The following TEAD3 variants were observed in gnomAD, a reference collection of about 807,000 sequenced individuals.
TEAD3 encodes TEA domain transcription factor 3.
TEAD3 carries 15 observed loss-of-function variants against 55.6 expected under a neutral mutation model. The observed-to-expected ratio is 0.27, with a 90% CI of 0.18 to 0.42. TEAD3 has a LOEUF of 0.42. Among genes scored for constraint, TEAD3 ranks in the 10% least tolerant of loss-of-function variants. The pLI is 1.00. For synonymous variants in TEAD3, 210 were observed against 232.2 expected (o/e 0.90, Z 0.87); for missense variants, 407 against 576.8 (o/e 0.71, Z 3.01).
At chr6:35,479,264 C>A in intron 5 of TEAD3, 41 bp downstream of exon 5, 2 of 1,611,154 alleles carry the variant, frequency 1.2e-6, no homozygotes, top group Admixed American at 1.7e-5. Context: ...GGTGTTAAGA[C>A]CCTTTCCCCC....
rs74634411 is a variant in TEAD3 at position 35,492,840 on chromosome 6, G to A, written c.-50+4058C>T. 4.6e-5 allele frequency among the ~76,000 whole-genome samples: 7 copies of A among 152,216 alleles called. No homozygotes were observed. The East Asian group carries it at 1.2e-3, about 25-fold the overall frequency. On this transcript the variant is annotated intron_variant, in intron 1 of 12. Coordinates refer to ENST00000639578, the Ensembl canonical transcript of TEAD3. ...GCCCTCAAGTCCCCTGTAGAGAGAA[G>A]GGCCCAGTTTCCAGACCTCCCTTCA...
At chr6:35,480,320 C>T in intron 3 of TEAD3, 1 of 1,613,866 alleles carries the variant, frequency 6.2e-7, no homozygotes, top group Non-Finnish European at 8.5e-7. Flanking sequence ...ACCTTGATGC[C>T]AACCTGGTAC....
At chr6:35,487,105 G>A (rs1038216698) in intron 1 of TEAD3, among the ~76,000 whole-genome samples, 11 of 152,190 alleles carry the variant, frequency 7.2e-5, no homozygotes, top group African/African-American at 2.4e-4. Flanking sequence ...TAGGGAAAAG[G>A]CATTTTCATA....
In TEAD3 at chr6:35,496,057, A is replaced by G. The variant is rs1350538824; in HGVS notation, c.-50+841T>C. ...CCCCAGGGCCCAGCTGGGCTGGAAA[A>G]CAGATCCAGACCAGCGCTCCCAGCC... On this transcript the variant is annotated intron_variant, in intron 1 of 12. Transcript: ENST00000639578. This position sits in a 1 kb window ranked among gnomAD's most constrained non-coding sequence, Gnocchi z 4.8. Among the ~76,000 whole-genome samples the G allele has an allele frequency of 2.0e-5, 3 of 152,190 alleles. No homozygotes were observed. Among genetic ancestry groups the G allele is most frequent in the African/African-American group, 7.2e-5 (3 of 41,454 alleles).
intron 4 of TEAD3, chr6:35,480,041 G>A (rs1284684963): frequency 4.7e-6 from 7 of 1,492,014 alleles, no homozygotes; most frequent in Non-Finnish European, 6.3e-6. Flanking sequence ...GGCCAGGCCA[G>A]GTGGCAGGGG....
In TEAD3 at chr6:35,485,344, C is replaced by T. The variant is rs1206455089; in HGVS notation, c.203-720G>A. Among the ~76,000 whole-genome samples the T allele has an allele frequency of 6.8e-6, 1 of 147,876 alleles. No homozygotes were observed. The highest frequency in any genetic ancestry group is 1.5e-5 in the Non-Finnish European group (1 of 67,944). On this transcript the variant is annotated intron_variant, in intron 2 of 12. Coordinates refer to ENST00000639578, the Ensembl canonical transcript of TEAD3. The surrounding 1 kb of genome is among the most constrained non-coding windows in gnomAD (Gnocchi z 4.3). ...GCCTTGGGGTGCGGGGTCTGTTCTGCACCACAGACCCTCTGAGGGCCCAAA... is the reference window on the plus strand; with the variant it reads ...GCCTTGGGGTGCGGGGTCTGTTCTGTACCACAGACCCTCTGAGGGCCCAAA...
chr6:35,486,553 G>A lies in TEAD3; in HGVS notation c.110C>T (p.Pro37Leu), dbSNP rs1768385952. The change falls in exon 2 of 13, where the codon CCG becomes CTG. Residue 37 changes from proline to leucine, a missense_variant. Transcript: ENST00000639578. The surrounding 1 kb of genome is among the most constrained non-coding windows in gnomAD (Gnocchi z 7.3). ...CTCCTGGAAGCTCTGCTCGATGTCC[G>A]GGCTCCACACGCCCTCCGCATCGTT... 3 of 1,613,640 alleles carry A rather than the reference G, an allele frequency of 1.9e-6. No homozygotes were observed. Among genetic ancestry groups the A allele is most frequent in the Non-Finnish European group, 1.7e-6 (2 of 1,179,792 alleles).
intron 3 of TEAD3, among the ~76,000 whole-genome samples, chr6:35,482,357 C>T (rs1358979742): frequency 1.3e-5 from 2 of 152,206 alleles, no homozygotes; most frequent in South Asian, 2.1e-4. Context: ...AACCAGAGGA[C>T]AGATCCCCTT....
At chr6:35,473,724 G>T (rs1768082177), downstream of TEAD3, 1 of 150,542 alleles carries the variant, frequency 6.6e-6, no homozygotes, top group African/African-American at 2.5e-5. Flanking sequence ...ATCACAGCTG[G>T]ATTTTAAAAA....
At position 35,484,785 on chromosome 6, in the gene TEAD3, G is replaced by A. The variant is rs960234908; in HGVS notation, c.203-161C>T. Among the ~76,000 whole-genome samples, 1 of 152,180 alleles carries A rather than the reference G, an allele frequency of 6.6e-6. No homozygotes were observed. Among genetic ancestry groups the A allele is most frequent in the Non-Finnish European group, 1.5e-5 (1 of 68,022 alleles). On this transcript the variant is annotated intron_variant, in intron 2 of 12. Coordinates refer to ENST00000639578, the Ensembl canonical transcript of TEAD3. This position sits in a 1 kb window ranked among gnomAD's most constrained non-coding sequence, Gnocchi z 5.8. Reference sequence around the variant, plus strand: ...AAGCTGCACATGCAGGGCATGCAAAGGTGGCTGGGGAGTCACAGCTGCATC... The same window carrying A: ...AAGCTGCACATGCAGGGCATGCAAAAGTGGCTGGGGAGTCACAGCTGCATC...
chr6:35,490,559 C>T (rs554362462), intron 1 of TEAD3, among the ~76,000 whole-genome samples: 3 of 152,190 alleles, frequency 2.0e-5, no homozygotes, highest in African/African-American at 4.8e-5. Flanking sequence ...AGGACAACCA[C>T]GTGAGAATGT....
At chr6:35,487,501 G>A (rs1317484600) in intron 1 of TEAD3, among the ~76,000 whole-genome samples, 7 of 144,760 alleles carry the variant, frequency 4.8e-5, no homozygotes, top group Non-Finnish European at 1.0e-4. Context: ...GCAGTGAGCC[G>A]AGATCACGTC....
chr6:35,477,468 A>G, intron 7 of TEAD3, 96 bp from the exon 8 acceptor site: 1 of 1,213,518 alleles, frequency 8.2e-7, no homozygotes, highest in Non-Finnish European at 1.2e-6. Flanking sequence ...CAAGCCACCC[A>G]GCCTTTCTGC....
chr6:35,475,285 C>G lies in TEAD3; in HGVS notation c.1194+51G>C, dbSNP rs560858854. ...CCAAGCGATGTGTCTGGCTACCCAA[C>G]TTGGAGGCCCTGGCCTGTGGGACTC... On this transcript the variant is annotated intron_variant, in intron 12 of 12. Coordinates refer to ENST00000639578, the Ensembl canonical transcript of TEAD3. This position sits in a 1 kb window ranked among gnomAD's most constrained non-coding sequence, Gnocchi z 5.4. 162 of 1,607,466 alleles carry G rather than the reference C, an allele frequency of 1.0e-4. No homozygotes were observed. Among genetic ancestry groups the G allele is most frequent in the Non-Finnish European group, 9.6e-5 (113 of 1,175,914 alleles).
chr6:35,479,165 A>T, intron 5 of TEAD3, 140 bp downstream of exon 5: 2 of 1,104,938 alleles, frequency 1.8e-6, no homozygotes, highest in Non-Finnish European at 2.6e-6. Flanking sequence ...GGCGTGAGCC[A>T]CCACGCCCAG....
Position 35,484,698 on chromosome 6 carries a change from G to T in TEAD3, c.203-74C>A. The T allele has an allele frequency of 7.4e-7, 1 of 1,347,234 alleles. No homozygotes were observed. Among genetic ancestry groups the T allele is most frequent in the South Asian group, 1.2e-5 (1 of 80,036 alleles). The allele number at this position is 1,347,234 out of a possible 1,614,324, so 83.5% of individuals were successfully genotyped here. A position where few individuals can be genotyped will look rare whatever the true frequency, so the allele number is the denominator to read the frequency against. On this transcript the variant is annotated intron_variant, in intron 2 of 12. Transcript: ENST00000639578. The surrounding 1 kb of genome is among the most constrained non-coding windows in gnomAD (Gnocchi z 5.8). ...AGAGGCTGGAGGCCCCCACCCCACC[G>T]GGAAGCCACTCCAGGACCCTCCCCA...
At position 35,491,265 on chromosome 6, in the gene TEAD3, G is replaced by C. The variant is rs181538699; in HGVS notation, c.-49-4554C>G. Among the ~76,000 whole-genome samples the C allele has an allele frequency of 6.6e-6, 1 of 151,620 alleles. No homozygotes were observed. The highest frequency in any genetic ancestry group is 1.5e-5 in the Non-Finnish European group (1 of 67,908). ...ACAGACTGACAGACAGAGCCGGTGG[G>C]GGGTGAAGGGAGAAGGGGAGAAGGA... On this transcript the variant is annotated intron_variant, in intron 1 of 12. Coordinates refer to ENST00000639578, the Ensembl canonical transcript of TEAD3. This position sits in a 1 kb window ranked among gnomAD's most constrained non-coding sequence, Gnocchi z 4.4.
downstream of TEAD3, chr6:35,474,300 C>T (rs1768096176): frequency 6.5e-6 from 1 of 152,998 alleles, no homozygotes; most frequent in Admixed American, 6.5e-5. Context: ...CAGGTGCTCC[C>T]CTAACCCAGC....
chr6:35,478,722 G>A (rs2150911566), intron 5 of TEAD3, 151 bp from the exon 6 acceptor site: 1 of 1,091,042 alleles, frequency 9.2e-7, no homozygotes, highest in African/African-American at 1.6e-5. Context: ...CAGCTCTGCT[G>A]TGTGATCTTG....
Sources: allele counts gnomAD v4.1 joint callset (sites outside exome capture counted in the v4.1 genomes callset), GRCh38; gene constraint gnomAD v4.1.1; non-coding constraint Gnocchi (gnomAD v3.1); transcripts MANE v1.5; gene names NCBI Gene and HGNC (gene_info 2026-07-23, HGNC 2026-07-21).